The following SPRTN variants were observed in gnomAD, a reference collection of about 807,000 sequenced individuals.
SPRTN encodes SprT-like N-terminal domain.
SPRTN carries 11 observed loss-of-function variants against 31.9 expected under a neutral mutation model. That is an observed-to-expected ratio of 0.34 (90% CI 0.22 to 0.57). The LOEUF (loss-of-function observed/expected upper bound fraction) is 0.57. SPRTN is among the 20% of genes least tolerant of loss of function. The pLI, the probability that SPRTN is intolerant of heterozygous loss-of-function variation, is 0.86. For synonymous variants in SPRTN, 185 were observed against 212.1 expected (o/e 0.87, Z 1.11); for missense variants, 482 against 590.1 (o/e 0.82, Z 1.90).
chr1:231,351,188 G>A (rs1302129676), intron 3 of SPRTN, 116 bp from the exon 4 acceptor site: 13 of 1,175,736 alleles, frequency 1.1e-5, no homozygotes, highest in African/African-American at 1.7e-5. Flanking sequence ...AGAAAGCTCT[G>A]GGAAAGTTTC....
intron 3 of SPRTN, among the ~76,000 whole-genome samples, chr1:231,349,489 G>A (rs1178917595): frequency 6.6e-6 from 1 of 152,158 alleles, no homozygotes; most frequent in Non-Finnish European, 1.5e-5. Flanking sequence ...CAAAGCCCTT[G>A]TATACGTCCC....
At chr1:231,348,221 T>C (rs1687120340) in intron 3 of SPRTN, among the ~76,000 whole-genome samples, 1 of 152,170 alleles carries the variant, frequency 6.6e-6, no homozygotes, top group African/African-American at 2.4e-5. Flanking sequence ...TTTGTTTCCT[T>C]ATTATTGTCT....
chr1:231,340,889 T>G (rs117298595), intron 2 of SPRTN, among the ~76,000 whole-genome samples: 1 of 151,770 alleles, frequency 6.6e-6, no homozygotes, highest in Non-Finnish European at 1.5e-5. Context: ...TGCTTGGAGA[T>G]GAGAGATGCT....
In SPRTN at chr1:231,351,347, A is replaced by G. The variant is rs769385870; in HGVS notation, c.494A>G (p.His165Arg). Residue 165 changes from histidine to arginine, a missense_variant, in exon 4 of 5, where the codon CAC (histidine) becomes CGC (arginine). His to Arg is a conservative substitution (Grantham distance 29, BLOSUM62 0). Coordinates refer to ENST00000295050, the MANE Select transcript of SPRTN (RefSeq NM_032018.7). ...FHDEVDEYRR[H>R]WWRCNGPCQH... ...GATGAGGTGGATGAGTATCGGCGAC[A>G]CTGGTGGCGCTGCAATGGGCCGTGC... 5.0e-6 allele frequency: 8 copies of G among 1,613,746 alleles called. No individual in the cohort carries two copies. In the Admixed American group the frequency reaches 1.2e-4, roughly 24 times the overall value.
At chr1:231,344,670 G>T in intron 2 of SPRTN, 1 of 298,316 alleles carries the variant, frequency 3.4e-6, no homozygotes, top group African/African-American at 2.2e-5. Context: ...TAGTTCTTCT[G>T]ATGGAAATTG....
intron 3 of SPRTN, among the ~76,000 whole-genome samples, chr1:231,348,692 G>A (rs1018464632): frequency 5.3e-5 from 8 of 152,114 alleles, no homozygotes; most frequent in African/African-American, 1.9e-4. Flanking sequence ...TCTGTTTTGT[G>A]TCCGAATGCT....
intron 3 of SPRTN, among the ~76,000 whole-genome samples, chr1:231,350,055 G>T (rs1048221423): frequency 6.6e-6 from 1 of 152,120 alleles, no homozygotes; most frequent in African/African-American, 2.4e-5. Context: ...CTCTTTTTGG[G>T]TAATGAATTA....
chr1:231,348,457 C>G (rs1220557260), intron 3 of SPRTN, among the ~76,000 whole-genome samples: 2 of 152,322 alleles, frequency 1.3e-5, no homozygotes, highest in East Asian at 3.9e-4. Context: ...CAATACCTAT[C>G]TGTTGGATCC....
At chr1:231,340,722 C>G (rs1015751928) in intron 2 of SPRTN, among the ~76,000 whole-genome samples, 1 of 151,440 alleles carries the variant, frequency 6.6e-6, no homozygotes, top group Admixed American at 6.6e-5. Flanking sequence ...CTCTTGAACC[C>G]GGGAGGCGGA....
At chr1:231,342,878 G>C (rs991638967) in intron 2 of SPRTN, among the ~76,000 whole-genome samples, 12 of 151,870 alleles carry the variant, frequency 7.9e-5, no homozygotes, top group African/African-American at 2.7e-4. Flanking sequence ...GGGACTACAG[G>C]CACCCGCCAC....
rs199945753 is a variant in SPRTN, at chr1:231,343,297, G to GTA, written c.321+3436_321+3437dup. Among the ~76,000 whole-genome samples, 1,114 of 151,570 alleles carry GTA rather than the reference G, an allele frequency of 7.3e-3. 9 individuals carry two copies. The Middle Eastern group carries it at 0.075, about 10-fold the overall frequency. On this transcript the variant is annotated intron_variant, in intron 2 of 4. Coordinates refer to ENST00000295050, the MANE Select transcript of SPRTN (RefSeq NM_032018.7). ...TAGGTATATATACTCTATAGCCTAGGTATATATACTCTATAGCCTAGGTGT... is the reference window on the plus strand; with the variant it reads ...TAGGTATATATACTCTATAGCCTAGGTATATATATACTCTATAGCCTAGGTGT...
At position 231,353,729 on chromosome 1, in the gene SPRTN, C is replaced by T. The variant is rs1572004342; in HGVS notation, c.*368C>T. On this transcript the variant is annotated 3_prime_UTR_variant, in exon 5 of 5. Coordinates refer to ENST00000295050, the MANE Select transcript of SPRTN (RefSeq NM_032018.7). Reference sequence around the variant, plus strand: ...CCTGTCAGGTGTTTGGTTATATTGACTATTTATTAATAGTATTAGAACTCA... The same window carrying T: ...CCTGTCAGGTGTTTGGTTATATTGATTATTTATTAATAGTATTAGAACTCA... 2.0e-6 allele frequency: 2 copies of T among 988,846 alleles called. No homozygotes were observed. The highest frequency in any genetic ancestry group is 2.1e-4 in the East Asian group (2 of 9,320). The allele number at this position is 988,846 out of a possible 1,614,324, so 61.3% of individuals were successfully genotyped here.
intron 3 of SPRTN, 23 bp downstream of exon 3, chr1:231,347,948 A>G: frequency 6.2e-7 from 1 of 1,600,128 alleles, no homozygotes; most frequent in Non-Finnish European, 8.5e-7. Context: ...ATATCTATTT[A>G]TGATGTTTAG....
chr1:231,344,496 G>A (rs1289084738), intron 2 of SPRTN: 26 of 174,580 alleles, frequency 1.5e-4, no homozygotes, highest in Non-Finnish European at 1.4e-5. Flanking sequence ...GAAAAAGTGA[G>A]ACCCCATCTC....
At chr1:231,344,657 G>C (rs1687000254) in intron 2 of SPRTN, 1 of 284,958 alleles carries the variant, frequency 3.5e-6, no homozygotes, top group Non-Finnish European at 7.8e-6. Context: ...ATTAATGACA[G>C]TCTAGTTCTT....
intron 2 of SPRTN, among the ~76,000 whole-genome samples, chr1:231,345,717 G>C (rs1329057042): frequency 6.6e-6 from 1 of 152,146 alleles, no homozygotes; most frequent in Non-Finnish European, 1.5e-5. Flanking sequence ...GCAGTATATA[G>C]GAATGTTTAT....
intron 4 of SPRTN, 71 bp from the exon 5 acceptor site, chr1:231,352,539 T>A: frequency 1.3e-6 from 2 of 1,514,974 alleles, no homozygotes; most frequent in South Asian, 1.4e-5. Context: ...TGTACATTAG[T>A]TTAATGTTTG....
chr1:231,345,954 A>G lies in SPRTN; in HGVS notation c.322-1843A>G, dbSNP rs144368350. 2.2e-3 allele frequency among the ~76,000 whole-genome samples: 329 copies of G among 152,132 alleles called. 1 individual carries two copies. The highest frequency in any genetic ancestry group is 3.6e-3 in the Non-Finnish European group (243 of 67,988). ...CCGCCTCCTGAGTAGCTAGGACTAC[A>G]GATGCACAAGCTAATTGTTTTATTT... On this transcript the variant is annotated intron_variant, in intron 2 of 4. Coordinates refer to ENST00000295050, the MANE Select transcript of SPRTN (RefSeq NM_032018.7).
At chr1:231,343,087 A>G (rs1475540879) in intron 2 of SPRTN, among the ~76,000 whole-genome samples, 3 of 152,074 alleles carry the variant, frequency 2.0e-5, no homozygotes, top group Non-Finnish European at 4.4e-5. Flanking sequence ...TAGTTGCACA[A>G]ATACTTACCA....
Sources: allele counts gnomAD v4.1 joint callset (sites outside exome capture counted in the v4.1 genomes callset), GRCh38; gene constraint gnomAD v4.1.1; transcripts MANE v1.5; gene names NCBI Gene and HGNC (gene_info 2026-07-23, HGNC 2026-07-21).